LRP1B: variants seen among roughly 807,000 people sequenced by gnomAD.
LRP1B encodes LDL receptor related protein 1B, also known as low-density lipoprotein receptor-related protein 1B.
LRP1B carries 217 observed loss-of-function variants against 556.6 expected under a neutral mutation model. The ratio of observed to expected loss-of-function variants is 0.39; its 90% confidence interval spans 0.35 to 0.44. The LOEUF is 0.44. Ranked by LOEUF, LRP1B falls within the 20% of genes least tolerant of loss-of-function variation. The pLI, the probability that LRP1B is intolerant of heterozygous loss-of-function variation, is 1.00. For missense variants in LRP1B, 5,053 were observed against 5,620.8 expected (o/e 0.90, Z 3.23); for synonymous variants, 2,047 against 1,865.8 (o/e 1.10, Z -2.50).
intron 87 of LRP1B, 70 bp downstream of exon 87, chr2:140,247,016 A>G: frequency 1.8e-6 from 2 of 1,098,442 alleles, no homozygotes; most frequent in East Asian, 2.5e-5. Flanking sequence ...GACTCATCTC[A>G]CTCAATAATG....
chr2:140,846,311 T>C (rs1692272196), intron 29 of LRP1B, among the ~76,000 whole-genome samples: 1 of 152,066 alleles, frequency 6.6e-6, no homozygotes, highest in Admixed American at 6.5e-5. Context: ...AAGAACAGCT[T>C]GGTGTTTCAG....
At chr2:140,497,554 A>C (rs1688999360) in intron 55 of LRP1B, among the ~76,000 whole-genome samples, 1 of 151,978 alleles carries the variant, frequency 6.6e-6, no homozygotes, top group African/African-American at 2.4e-5. Flanking sequence ...ACAGGGTAGT[A>C]ATCCCAGATT....
At chr2:141,291,873 A>AAAAAAAC (rs1685975057) in intron 3 of LRP1B, among the ~76,000 whole-genome samples, 1 of 89,506 alleles carries the variant, frequency 1.1e-5, no homozygotes, top group Admixed American at 1.4e-4. Context: ...AAAAAAAAAA[A>AAAAAAAC]AAAAAAAAAA....
At chr2:141,270,394 G>C (rs1238919798) in intron 3 of LRP1B, among the ~76,000 whole-genome samples, 1 of 151,740 alleles carries the variant, frequency 6.6e-6, no homozygotes, top group Non-Finnish European at 1.5e-5. Flanking sequence ...ACAAATTAAA[G>C]ATAAAATTAT....
chr2:142,073,137 C>A (rs1332735284), intron 1 of LRP1B, among the ~76,000 whole-genome samples: 2 of 151,982 alleles, frequency 1.3e-5, no homozygotes, highest in East Asian at 1.9e-4. Context: ...AATACACTAT[C>A]ATTTTTCCAT....
At chr2:141,501,814 T>C (rs1469713667) in intron 2 of LRP1B, among the ~76,000 whole-genome samples, 1 of 152,178 alleles carries the variant, frequency 6.6e-6, no homozygotes, top group African/African-American at 2.4e-5. Context: ...ATTTGGTTGG[T>C]AGATTAAGAG....
intron 2 of LRP1B, among the ~76,000 whole-genome samples, chr2:141,795,853 GA>G (rs1456076270): frequency 1.9e-5 from 1 of 53,484 alleles, no homozygotes; most frequent in African/African-American, 6.7e-5. Flanking sequence ...TGAAAACCAG[GA>G]GCAATATATA....
chr2:141,598,044 A>C (rs968142894), intron 2 of LRP1B, among the ~76,000 whole-genome samples: 6 of 151,618 alleles, frequency 4.0e-5, no homozygotes, highest in African/African-American at 1.2e-4. Flanking sequence ...GTGTATACAG[A>C]AGCTCACGGG....
intron 66 of LRP1B, among the ~76,000 whole-genome samples, chr2:140,419,981 C>G (rs34263547): frequency 0.072 from 10,561 of 145,998 alleles, 424 homozygotes; most frequent in Middle Eastern, 0.15. Flanking sequence ...GCACTCCAGC[C>G]TGGGTGACAG....
At chr2:141,520,453 T>C (rs1172315549) in intron 2 of LRP1B, among the ~76,000 whole-genome samples, 1 of 152,050 alleles carries the variant, frequency 6.6e-6, no homozygotes, top group Non-Finnish European at 1.5e-5. Flanking sequence ...GAAAGGATAA[T>C]ATTTTTTAAA....
At chr2:140,717,971 T>C (rs1297792651) in intron 35 of LRP1B, among the ~76,000 whole-genome samples, 1 of 152,116 alleles carries the variant, frequency 6.6e-6, no homozygotes, top group Admixed American at 6.6e-5. Context: ...AAGGATTTGT[T>C]TGATTTTCTC....
At position 140,398,856 on chromosome 2, in the gene LRP1B, A is replaced by G. The variant is rs143329730; in HGVS notation, c.10415-12847T>C. Among the ~76,000 whole-genome samples, 160 of 152,252 alleles carry G rather than the reference A, an allele frequency of 1.1e-3. 3 individuals are homozygous for G. Among genetic ancestry groups the G allele is most frequent in the African/African-American group, 3.5e-3 (147 of 41,562 alleles). On this transcript the variant is annotated intron_variant, in intron 66 of 90. Transcript: ENST00000389484. ...CTTGGAACAATGTGTCTAAATGTAT[A>G]ACTTGTGATGAATGGAATATTTTTG...
chr2:140,425,020 C>T (rs962302260), intron 66 of LRP1B, among the ~76,000 whole-genome samples: 12 of 151,126 alleles, frequency 7.9e-5, no homozygotes, highest in Admixed American at 6.6e-4. Flanking sequence ...TTTCTATTTT[C>T]GATTATAATC....
At chr2:141,982,164 A>G (rs181347259) in intron 1 of LRP1B, among the ~76,000 whole-genome samples, 1 of 151,862 alleles carries the variant, frequency 6.6e-6, no homozygotes, top group Non-Finnish European at 1.5e-5. Flanking sequence ...ATTATAGCTA[A>G]CTCAATCCGT....
At chr2:141,436,902 C>A (rs1445142118) in intron 3 of LRP1B, among the ~76,000 whole-genome samples, 1 of 152,082 alleles carries the variant, frequency 6.6e-6, no homozygotes, top group Non-Finnish European at 1.5e-5. Context: ...TCTCTTCAGA[C>A]AATGAAAAGC....
chr2:141,093,071 T>G (rs1413049250), intron 7 of LRP1B, among the ~76,000 whole-genome samples: 1 of 151,432 alleles, frequency 6.6e-6, no homozygotes, highest in African/African-American at 2.4e-5. Flanking sequence ...GTTAACACAT[T>G]AGGGGAAATT....
chr2:141,725,206 AG>A (rs1400672301), intron 2 of LRP1B, among the ~76,000 whole-genome samples: 4 of 151,950 alleles, frequency 2.6e-5, no homozygotes, highest in African/African-American at 7.2e-5. Flanking sequence ...CAAAACAAAA[AG>A]CTCAAATTCC....
chr2:142,016,552 A>G (rs185536510), intron 1 of LRP1B, among the ~76,000 whole-genome samples: 34 of 152,224 alleles, frequency 2.2e-4, no homozygotes, highest in Middle Eastern at 3.4e-3. Flanking sequence ...GCTGGAAACC[A>G]TCATTCTCAA....
chr2:141,660,386 T>A (rs1317429339), intron 2 of LRP1B, among the ~76,000 whole-genome samples: 1 of 93,524 alleles, frequency 1.1e-5, no homozygotes, highest in African/African-American at 4.2e-5. Flanking sequence ...CTGTGTAGAT[T>A]CTCAGTGGCC....
Sources: gnomAD v4.1 joint callset for allele counts (sites outside exome capture counted in the v4.1 genomes callset) on GRCh38, gnomAD v4.1.1 for gene constraint, MANE v1.5 for transcripts, NCBI Gene and HGNC (gene_info 2026-07-23, HGNC 2026-07-21) for gene names.